NRG1: variants seen among roughly 807,000 people sequenced by gnomAD.
NRG1 encodes neuregulin 1.
NRG1 carries 18 observed loss-of-function variants against 63.8 expected under a neutral mutation model. That is an observed-to-expected ratio of 0.28 (90% CI 0.19 to 0.42). NRG1 has a LOEUF of 0.42. NRG1 is among the 10% of genes least tolerant of loss of function. The pLI, the probability that NRG1 is intolerant of heterozygous loss-of-function variation, is 1.00. For missense variants in NRG1, 762 were observed against 814.7 expected (o/e 0.94, Z 0.79); for synonymous variants, 302 against 301.3 (o/e 1.00, Z -0.02).
chr8:31,666,831 GGGTA>G (rs1806595715), intron 1 of NRG1, among the ~76,000 whole-genome samples: 1 of 152,186 alleles, frequency 6.6e-6, no homozygotes, highest in African/African-American at 2.4e-5. Flanking sequence ...GCAGGTATGA[GGGTA>G]GGTTTCACAT....
At chr8:32,206,115 T>A (rs1014511354) in intron 1 of NRG1, among the ~76,000 whole-genome samples, 1 of 152,068 alleles carries the variant, frequency 6.6e-6, no homozygotes, top group Non-Finnish European at 1.5e-5. Flanking sequence ...TTCAATTCTT[T>A]AAAAATCTAA....
At chr8:32,757,059 C>T (rs969313848) in intron 9 of NRG1, among the ~76,000 whole-genome samples, 4 of 152,158 alleles carry the variant, frequency 2.6e-5, no homozygotes, top group Admixed American at 6.5e-5. Flanking sequence ...TTCTCAGTAG[C>T]AAAAGAAGAG....
chr8:31,827,060 TG>T (rs1197691366), intron 1 of NRG1, among the ~76,000 whole-genome samples: 1 of 152,122 alleles, frequency 6.6e-6, no homozygotes, highest in African/African-American at 2.4e-5. Flanking sequence ...CCTTGGCTTG[TG>T]GGTTTGCTGG....
intron 1 of NRG1, among the ~76,000 whole-genome samples, chr8:31,820,661 T>A (rs1312330354): frequency 6.6e-6 from 1 of 152,208 alleles, no homozygotes. Flanking sequence ...TGAACTAGAA[T>A]TATGAGCATT....
At chr8:32,268,700 G>C (rs1227361688) in intron 1 of NRG1, among the ~76,000 whole-genome samples, 1 of 152,116 alleles carries the variant, frequency 6.6e-6, no homozygotes, top group Non-Finnish European at 1.5e-5. Flanking sequence ...TTCCTTAGAA[G>C]CCAACTCTCA....
intron 1 of NRG1, among the ~76,000 whole-genome samples, chr8:32,423,166 T>C (rs1587555417): frequency 1.3e-5 from 2 of 152,236 alleles, no homozygotes; most frequent in East Asian, 1.9e-4. Context: ...CTGGAAAGTA[T>C]CAATCCCTTT....
chr8:31,930,956 G>T (rs1834809255), intron 1 of NRG1, among the ~76,000 whole-genome samples: 1 of 152,032 alleles, frequency 6.6e-6, no homozygotes, highest in African/African-American at 2.4e-5. Flanking sequence ...TTCAATTGTT[G>T]GTTCCTGCTT....
At chr8:32,468,542 C>T (rs955884154) in intron 1 of NRG1, among the ~76,000 whole-genome samples, 24 of 152,180 alleles carry the variant, frequency 1.6e-4, no homozygotes, top group Non-Finnish European at 2.5e-4. Flanking sequence ...TTCTCTTTAA[C>T]ATTTCTCTGA....
At chr8:32,328,924 G>A (rs1159526119) in intron 1 of NRG1, among the ~76,000 whole-genome samples, 1 of 149,144 alleles carries the variant, frequency 6.7e-6, no homozygotes, top group Non-Finnish European at 1.5e-5. Context: ...CGTGGAAGGT[G>A]GAAGAAAGTT....
rs1589415891 is a variant in NRG1, at chr8:32,722,071, T to C, written c.503-5878T>C. ...AGGTTAAAAAAAATCTGTAATTTTG[T>C]AGTGACTAGCAGTTTAATATTCAAA... On this transcript the variant is annotated intron_variant, in intron 5 of 11. Transcript: ENST00000356819. The C allele has an allele frequency of 1.3e-5, 20 of 1,491,674 alleles. No homozygotes were observed. In the East Asian group the frequency reaches 4.7e-4, roughly 35 times the overall value. The allele number at this position is 1,491,674 out of a possible 1,614,324, so 92.4% of individuals were successfully genotyped here.
intron 1 of NRG1, among the ~76,000 whole-genome samples, chr8:31,887,685 T>C (rs1013256314): frequency 3.9e-5 from 6 of 152,080 alleles, no homozygotes. Flanking sequence ...GTCTATAGGG[T>C]CATTTTATCT....
intron 1 of NRG1, among the ~76,000 whole-genome samples, chr8:31,854,439 T>C (rs923638409): frequency 1.3e-5 from 2 of 152,152 alleles, no homozygotes; most frequent in Non-Finnish European, 2.9e-5. Flanking sequence ...TTTGTATTTC[T>C]GTGGGATCGG....
chr8:31,758,782 A>G (rs926009158), intron 1 of NRG1, among the ~76,000 whole-genome samples: 7 of 152,158 alleles, frequency 4.6e-5, no homozygotes, highest in African/African-American at 1.7e-4. Flanking sequence ...TTGAGTGAGT[A>G]CTTAGAAATG....
At chr8:32,178,499 G>T (rs996754355) in intron 1 of NRG1, among the ~76,000 whole-genome samples, 3 of 152,196 alleles carry the variant, frequency 2.0e-5, no homozygotes, top group African/African-American at 7.2e-5. Context: ...AATCCCAGCT[G>T]CTCTGGAGGC....
chr8:31,970,778 G>A (rs764151305), intron 1 of NRG1, among the ~76,000 whole-genome samples: 3 of 152,016 alleles, frequency 2.0e-5, no homozygotes, highest in Non-Finnish European at 4.4e-5. Context: ...TGTGGGTACA[G>A]CATTTGCTAC....
chr8:32,204,367 CGTTTT>C (rs1843806967), intron 1 of NRG1, among the ~76,000 whole-genome samples: 1 of 152,138 alleles, frequency 6.6e-6, no homozygotes, highest in Admixed American at 6.6e-5. Context: ...ATGAACCTAT[CGTTTT>C]GTTTAGTTTG....
At chr8:31,795,126 T>G (rs1821080437) in intron 1 of NRG1, among the ~76,000 whole-genome samples, 2 of 152,146 alleles carry the variant, frequency 1.3e-5, no homozygotes, top group Admixed American at 1.3e-4. Context: ...ATTCCAACTT[T>G]TAGATAGCTT....
chr8:32,048,470 T>C (rs1321383980), intron 1 of NRG1, among the ~76,000 whole-genome samples: 4 of 131,762 alleles, frequency 3.0e-5, no homozygotes, highest in African/African-American at 9.0e-5. Context: ...TATATATATA[T>C]ATATATATAT....
intron 1 of NRG1, among the ~76,000 whole-genome samples, chr8:31,981,482 T>C (rs1232118769): frequency 6.6e-6 from 1 of 152,000 alleles, no homozygotes; most frequent in African/African-American, 2.4e-5. Flanking sequence ...AAGAAATCTA[T>C]AGAGTGAACT....
Sources: allele counts gnomAD v4.1 joint callset (sites outside exome capture counted in the v4.1 genomes callset), GRCh38; gene constraint gnomAD v4.1.1; transcripts MANE v1.5; gene names NCBI Gene and HGNC (gene_info 2026-07-23, HGNC 2026-07-21).